The following FAM170A variants were observed in gnomAD, a reference collection of about 807,000 sequenced individuals.
The protein encoded by FAM170A is family with sequence similarity 170 member A.
In FAM170A, 28 loss-of-function variants were observed where a neutral mutation model predicts 36.6. The observed-to-expected ratio is 0.76, with a 90% CI of 0.57 to 1.05. FAM170A has a LOEUF of 1.05. Among genes scored for constraint, FAM170A ranks in the 50% least tolerant of loss-of-function variants. The pLI is 0.00. For synonymous variants in FAM170A, 156 were observed against 143.9 expected (o/e 1.08, Z -0.60); for missense variants, 434 against 396.5 (o/e 1.09, Z -0.80).
At chr5:119,635,439 C>T (rs1756360586) in intron 4 of FAM170A, among the ~76,000 whole-genome samples, 1 of 152,164 alleles carries the variant, frequency 6.6e-6, no homozygotes, top group African/African-American at 2.4e-5. Context: ...TTGGCCTGAG[C>T]TGGGATCCCA....
At chr5:119,629,822 C>G in exon 1 of FAM170A, 2 of 1,613,520 alleles carry the variant, frequency 1.2e-6, no homozygotes, top group East Asian at 2.2e-5. Flanking sequence ...CCCAGGAAAC[C>G]GCTGAGAAGG....
chr5:119,630,509 T>A (rs1016524988), intron 1 of FAM170A, among the ~76,000 whole-genome samples: 1 of 152,066 alleles, frequency 6.6e-6, no homozygotes, highest in Non-Finnish European at 1.5e-5. Context: ...CTGAGGAGAA[T>A]GTACCACCTA....
intron 4 of FAM170A, 83 bp downstream of exon 4, chr5:119,635,169 T>C (rs1037694229): frequency 6.8e-5 from 64 of 941,812 alleles, no homozygotes; most frequent in Non-Finnish European, 1.0e-4. Context: ...AGGGATGCAC[T>C]GGGTCACCTG....
In FAM170A at chr5:119,633,967, G is replaced by T. The variant is rs778066352; in HGVS notation, c.219G>T (p.Gln73His). The T allele has an allele frequency of 7.9e-5, 127 of 1,607,484 alleles. 1 individual carries two copies. The highest frequency in any genetic ancestry group is 1.0e-4 in the Non-Finnish European group (123 of 1,175,854). The change falls in exon 3 of 5, where the codon CAG (glutamine) becomes CAT (histidine). Residue 73 changes from glutamine (Q) to histidine (H), a missense_variant. Gln to His is a conservative substitution (Grantham distance 24). Coordinates refer to ENST00000613773, the Ensembl canonical transcript of FAM170A. Reference sequence around the variant, plus strand: ...TCTAATTTCCTTTCCCAGGAATCCAGAGAATACATCGAGACAGCCCCCAGC... The same window carrying T: ...TCTAATTTCCTTTCCCAGGAATCCATAGAATACATCGAGACAGCCCCCAGC...
intron 1 of FAM170A, among the ~76,000 whole-genome samples, chr5:119,630,909 A>G (rs1363513343): frequency 5.3e-5 from 8 of 152,176 alleles, no homozygotes; most frequent in African/African-American, 1.9e-4. Context: ...GAGAAGTGAA[A>G]TGCTTGTTAG....
intron 2 of FAM170A, 56 bp from the exon 3 acceptor site, chr5:119,633,904 C>T: frequency 6.4e-7 from 1 of 1,558,938 alleles, no homozygotes; most frequent in Middle Eastern, 1.7e-4. Context: ...ACTTACGTTC[C>T]CTCAGCTCCT....
chr5:119,634,099 G>A (rs371121029), exon 3 of FAM170A: 2 of 1,614,020 alleles, frequency 1.2e-6, no homozygotes, highest in Non-Finnish European at 8.5e-7. Flanking sequence ...TGTCCTCTCT[G>A]TGTGTAAACA....
intron 1 of FAM170A, among the ~76,000 whole-genome samples, 165 bp from the exon 2 acceptor site, chr5:119,632,583 A>C (rs189918310): frequency 1.3e-3 from 205 of 152,356 alleles, no homozygotes; most frequent in African/African-American, 4.7e-3. Context: ...ATACCTGTTG[A>C]CTGTAATTAA....
At chr5:119,631,007 TC>T (rs1436719882) in intron 1 of FAM170A, among the ~76,000 whole-genome samples, 1 of 152,172 alleles carries the variant, frequency 6.6e-6, no homozygotes, top group African/African-American at 2.4e-5. Flanking sequence ...AACCAATTAA[TC>T]CAATAGAGTT....
intron 1 of FAM170A, among the ~76,000 whole-genome samples, chr5:119,630,321 ATTTTTTTTTTTTT>A (rs10603530): frequency 8.4e-6 from 1 of 118,392 alleles, no homozygotes; most frequent in Admixed American, 8.6e-5. Flanking sequence ...CGCCTGGCTA[ATTTTTTTTTTTTT>A]TTTTTTTTTT....
At chr5:119,630,533 G>C (rs328708) in intron 1 of FAM170A, among the ~76,000 whole-genome samples, 63,174 of 151,906 alleles carry the variant, frequency 0.42, 13,351 homozygotes, top group South Asian at 0.54. Context: ...AGTAGGGAGG[G>C]GAAGACCTGG....
intron 2 of FAM170A, among the ~76,000 whole-genome samples, chr5:119,633,723 T>C (rs771098700): frequency 8.5e-5 from 13 of 152,048 alleles, no homozygotes; most frequent in Non-Finnish European, 1.9e-4. Flanking sequence ...ATTCCACATA[T>C]GCTGCAGTCC....
At chr5:119,629,806 A>T in exon 1 of FAM170A, 1 of 1,613,774 alleles carries the variant, frequency 6.2e-7, no homozygotes, top group South Asian at 1.1e-5. Context: ...TTGGAAAATG[A>T]AGAGTCCCAG....
At chr5:119,634,112 G>A in exon 3 of FAM170A, 1 of 1,614,146 alleles carries the variant, frequency 6.2e-7, no homozygotes, top group Non-Finnish European at 8.5e-7. Flanking sequence ...TGTAAACAAA[G>A]AGGAAAGGGG....
exon 3 of FAM170A, chr5:119,634,600 T>C: frequency 6.2e-7 from 1 of 1,611,618 alleles, no homozygotes; most frequent in Admixed American, 1.7e-5. Context: ...AGGAGGAAAA[T>C]GGAAATGAGA....
chr5:119,634,265 C>T (rs328694), exon 3 of FAM170A: 719,215 of 1,613,780 alleles, frequency 0.45, 162,208 homozygotes, highest in East Asian at 0.55. Flanking sequence ...AGGTACTCCC[C>T]CCTCTGATGT....
Position 119,634,032 on chromosome 5 carries a change from CT to C in FAM170A, c.285del (p.Pro96LeufsTer24). The stretch of plus-strand genomic sequence containing the variant: ...GCCCAGGTTCAGGAACGAGGAGAGA[CT>C]CCTCCCCGCTCACAACATGTCTCCT... On this transcript the variant is annotated frameshift_variant, in exon 3 of 5. Coordinates refer to ENST00000613773, the Ensembl canonical transcript of FAM170A. LOFTEE classifies it high-confidence loss of function. 6.2e-7 allele frequency: 1 copy of C among 1,614,182 alleles called. No homozygotes were observed. The highest frequency in any genetic ancestry group is 8.5e-7 in the Non-Finnish European group (1 of 1,180,036).
chr5:119,635,622 G>A (rs1756364415), intron 4 of FAM170A, 78 bp from the exon 5 acceptor site: 1 of 154,934 alleles, frequency 6.5e-6, no homozygotes, highest in Non-Finnish European at 1.5e-5. Context: ...AAACAAAGGT[G>A]AAGGGTAACT....
At chr5:119,634,648 G>C in exon 3 of FAM170A, 2 of 1,605,128 alleles carry the variant, frequency 1.2e-6, no homozygotes, top group African/African-American at 2.7e-5. Flanking sequence ...AGGAGGAGGA[G>C]GGGCAGCCCA....
Sources: allele counts gnomAD v4.1 joint callset (sites outside exome capture counted in the v4.1 genomes callset), GRCh38; gene constraint gnomAD v4.1.1; transcripts MANE v1.5; gene names NCBI Gene and HGNC (gene_info 2026-07-23, HGNC 2026-07-21).